Variants in GFRA1 observed in about 807,000 individuals in gnomAD.
The protein encoded by GFRA1 is GDNF family receptor alpha-1.
In GFRA1, 16 loss-of-function variants were observed where a neutral mutation model predicts 51.6. The observed-to-expected ratio is 0.31, with a 90% CI of 0.21 to 0.47. GFRA1 has a LOEUF of 0.47. GFRA1 is among the 20% of genes least tolerant of loss of function. The pLI is 1.00. For missense variants in GFRA1, 530 were observed against 594.3 expected (o/e 0.89, Z 1.13); for synonymous variants, 270 against 241.3 (o/e 1.12, Z -1.10).
chr10:116,125,388 G>A lies in GFRA1; in HGVS notation c.603C>T (p.Asp201=). 6.2e-7 allele frequency: 1 copy of A among 1,614,264 alleles called. No homozygotes were observed. The highest frequency in any genetic ancestry group is 8.5e-7 in the Non-Finnish European group (1 of 1,180,048). ...KCHKALRQFF[D]KVPAKHSYGM... is the part of the protein sequence containing the mutation. ...CGTAGCTGTGCTTGGCCGGGACCTT[G>A]TCAAAGAACTGCCGGAGGGCCTTGT... is the stretch of plus-strand genomic sequence containing the variant. Residue 201 remains aspartate, a synonymous_variant, in exon 6 of 11, where the codon GAC becomes GAT. Transcript: ENST00000355422.
At chr10:116,111,873 C>T (rs888415332) in intron 6 of GFRA1, among the ~76,000 whole-genome samples, 1 of 152,186 alleles carries the variant, frequency 6.6e-6, no homozygotes, top group African/African-American at 2.4e-5. Context: ...GTCCCTGAGC[C>T]CACCCTTCCC....
chr10:116,155,719 A>T (rs933424318), intron 5 of GFRA1, among the ~76,000 whole-genome samples: 4 of 152,134 alleles, frequency 2.6e-5, no homozygotes, highest in African/African-American at 9.7e-5. Flanking sequence ...GCCTCATGAA[A>T]AATGGAAGGT....
intron 8 of GFRA1, among the ~76,000 whole-genome samples, chr10:116,093,162 C>G (rs766672599): frequency 2.6e-5 from 4 of 152,178 alleles, no homozygotes; most frequent in Non-Finnish European, 4.4e-5. Flanking sequence ...CCAGTTTATC[C>G]CCCTCAAGAA....
At chr10:116,114,719 C>T (rs189733760) in intron 6 of GFRA1, among the ~76,000 whole-genome samples, 2 of 152,220 alleles carry the variant, frequency 1.3e-5, no homozygotes, top group Admixed American at 1.3e-4. Context: ...CTTCAAAGAT[C>T]TCTCTCTGTT....
chr10:116,072,516 C>T (rs1286584752), intron 9 of GFRA1, among the ~76,000 whole-genome samples: 1 of 152,140 alleles, frequency 6.6e-6, no homozygotes, highest in Non-Finnish European at 1.5e-5. Context: ...AATCCCAGCA[C>T]TTTGGAAGGC....
chr10:116,167,323 A>C (rs1288876631), intron 5 of GFRA1, among the ~76,000 whole-genome samples: 2 of 152,170 alleles, frequency 1.3e-5, no homozygotes, highest in Non-Finnish European at 2.9e-5. Flanking sequence ...GTGGGGCTCC[A>C]TTAGGCCTTC....
intron 4 of GFRA1, among the ~76,000 whole-genome samples, chr10:116,264,338 T>G (rs759666342): frequency 1.4e-4 from 21 of 152,168 alleles, no homozygotes; most frequent in Non-Finnish European, 2.5e-4. Flanking sequence ...AACAGAGTAC[T>G]GGACTAGATC....
At chr10:116,066,439 T>C (rs1339563726) in intron 9 of GFRA1, among the ~76,000 whole-genome samples, 1 of 152,148 alleles carries the variant, frequency 6.6e-6, no homozygotes, top group Non-Finnish European at 1.5e-5. Flanking sequence ...GTGAAAGCAT[T>C]GAACTCCCTG....
At chr10:116,271,919 G>C (rs1190814584) in intron 2 of GFRA1, 71 bp downstream of exon 2, 3 of 1,213,218 alleles carry the variant, frequency 2.5e-6, no homozygotes, top group Non-Finnish European at 3.6e-6. Flanking sequence ...GCGGAGGGCG[G>C]GGTGGGCTGC....
chr10:116,155,809 C>A (rs557123868), intron 5 of GFRA1, among the ~76,000 whole-genome samples: 3 of 152,198 alleles, frequency 2.0e-5, no homozygotes, highest in African/African-American at 7.2e-5. Context: ...ACAGGCAGTG[C>A]CAGAGACATA....
At chr10:116,156,533 C>G (rs561892314) in intron 5 of GFRA1, among the ~76,000 whole-genome samples, 27 of 152,272 alleles carry the variant, frequency 1.8e-4, no homozygotes, top group African/African-American at 6.5e-4. Flanking sequence ...TCTGGTTCAG[C>G]CAAACATGTT....
intron 4 of GFRA1, among the ~76,000 whole-genome samples, chr10:116,264,250 G>A (rs572960425): frequency 2.0e-5 from 3 of 152,220 alleles, no homozygotes; most frequent in Admixed American, 6.5e-5. Context: ...CCATGACCTG[G>A]CAAAGGTCCC....
At chr10:116,235,369 C>T (rs1966854932) in intron 4 of GFRA1, among the ~76,000 whole-genome samples, 1 of 152,188 alleles carries the variant, frequency 6.6e-6, no homozygotes, top group Non-Finnish European at 1.5e-5. Context: ...TGCCTATTCC[C>T]TCTTTGCCTA....
At chr10:116,188,167 G>C (rs1962907185) in intron 5 of GFRA1, among the ~76,000 whole-genome samples, 1 of 152,130 alleles carries the variant, frequency 6.6e-6, no homozygotes. Flanking sequence ...GAATGGTTGG[G>C]GGAGGGACCT....
intron 5 of GFRA1, among the ~76,000 whole-genome samples, chr10:116,193,038 A>G (rs1963412156): frequency 6.6e-6 from 1 of 152,132 alleles, no homozygotes; most frequent in African/African-American, 2.4e-5. Flanking sequence ...AACCCCTCCA[A>G]CAAACAACTG....
rs1475028789 is a variant in GFRA1 at position 116,165,380 on chromosome 10, A to AG, written c.434-39824dup. On this transcript the variant is annotated intron_variant, in intron 5 of 10. Transcript: ENST00000355422. The stretch of plus-strand genomic sequence containing the variant: ...TCCTTATAAAACTGAGGCTGTCCCA[A>AG]GGGAAAAAACCCTTATTCAAGCACA... Among the ~76,000 whole-genome samples, 3 of 146,140 alleles carry AG rather than the reference A, an allele frequency of 2.1e-5. No homozygotes were observed. The East Asian group carries it at 5.8e-4, about 28-fold the overall frequency.
At position 116,268,971 on chromosome 10, in the gene GFRA1, G is replaced by C. The variant is rs570046460; in HGVS notation, c.418+532C>G. ...CATTCTCTCATAAATGCACACACTT[G>C]CTCAGGAAAAAATAGAAGCAAAAGA... On this transcript the variant is annotated intron_variant, in intron 4 of 10. Transcript: ENST00000355422. 3.8e-4 allele frequency among the ~76,000 whole-genome samples: 58 copies of C among 152,302 alleles called. 1 individual carries two copies. The South Asian group carries it at 4.4e-3, about 11-fold the overall frequency.
intron 5 of GFRA1, among the ~76,000 whole-genome samples, chr10:116,158,877 C>T (rs932682104): frequency 1.3e-5 from 2 of 152,310 alleles, no homozygotes; most frequent in South Asian, 2.1e-4. Flanking sequence ...GCTGAGGCCT[C>T]AACACAGTCT....
At chr10:116,255,391 C>T (rs922130957) in intron 4 of GFRA1, among the ~76,000 whole-genome samples, 1 of 151,932 alleles carries the variant, frequency 6.6e-6, no homozygotes, top group Non-Finnish European at 1.5e-5. Context: ...GAAAAAATAC[C>T]CATAGCCAGT....
Sources: gnomAD v4.1 joint callset for allele counts (sites outside exome capture counted in the v4.1 genomes callset) on GRCh38, gnomAD v4.1.1 for gene constraint, MANE v1.5 for transcripts, NCBI Gene and HGNC (gene_info 2026-07-23, HGNC 2026-07-21) for gene names.